MSH4: variants seen among roughly 807,000 people sequenced by gnomAD.
The protein encoded by MSH4 is mutS protein homolog 4.
MSH4 carries 106 observed loss-of-function variants against 113.7 expected under a neutral mutation model. The observed-to-expected ratio is 0.93, with a 90% CI of 0.80 to 1.10. MSH4 has a LOEUF of 1.10. Among genes scored for constraint, MSH4 ranks in the 50% least tolerant of loss-of-function variants. The probability of loss-of-function intolerance (pLI) is 0.00; values close to 1 mark genes in which losing one functional copy is unlikely to be tolerated. For missense variants in MSH4, 1,061 were observed against 1,093.7 expected (o/e 0.97, Z 0.42); for synonymous variants, 368 against 380.2 (o/e 0.97, Z 0.37).
At chr1:75,882,712 G>T (rs1651962705) in intron 14 of MSH4, among the ~76,000 whole-genome samples, 1 of 148,932 alleles carries the variant, frequency 6.7e-6, no homozygotes. Flanking sequence ...GGTGGCAGGT[G>T]CCTGTACTCC....
At chr1:75,816,581 C>A in intron 6 of MSH4, 35 bp downstream of exon 6, 2 of 1,208,076 alleles carry the variant, frequency 1.7e-6, no homozygotes, top group Admixed American at 2.6e-5. Flanking sequence ...TAAAATATAT[C>A]GGTATATATA....
chr1:75,816,868 C>T (rs1056210308), intron 6 of MSH4, among the ~76,000 whole-genome samples: 3 of 152,078 alleles, frequency 2.0e-5, no homozygotes, highest in African/African-American at 7.2e-5. Flanking sequence ...CTCAAATTAT[C>T]CACCTGCCTC....
At chr1:75,899,757 G>A (rs2100589727) in intron 19 of MSH4, 51 bp downstream of exon 19, 7 of 1,012,754 alleles carry the variant, frequency 6.9e-6, no homozygotes, top group Non-Finnish European at 9.7e-6. Context: ...AATACTTTTA[G>A]TGTAGATTTT....
chr1:75,879,195 G>T, intron 12 of MSH4, 67 bp downstream of exon 12: 1 of 1,492,796 alleles, frequency 6.7e-7, no homozygotes, highest in South Asian at 1.2e-5. Context: ...CATATTTTTG[G>T]GACTTCTTGA....
chr1:75,863,224 G>C (rs1651496992), intron 8 of MSH4, among the ~76,000 whole-genome samples: 1 of 151,874 alleles, frequency 6.6e-6, no homozygotes, highest in African/African-American at 2.4e-5. Context: ...AATATAATAA[G>C]AATTACAGCT....
At chr1:75,812,122 A>G (rs1328266846) in intron 4 of MSH4, among the ~76,000 whole-genome samples, 2 of 152,150 alleles carry the variant, frequency 1.3e-5, no homozygotes, top group African/African-American at 4.8e-5. Flanking sequence ...TAAATAAGAG[A>G]AATCTAATGT....
At chr1:75,800,346 T>C (rs930509374) in intron 1 of MSH4, among the ~76,000 whole-genome samples, 1 of 152,188 alleles carries the variant, frequency 6.6e-6, no homozygotes, top group African/African-American at 2.4e-5. Flanking sequence ...CTGGAACCCA[T>C]ATAATGAAGT....
intron 3 of MSH4, 45 bp downstream of exon 3, chr1:75,807,186 A>G (rs1650089232): frequency 7.0e-7 from 1 of 1,426,048 alleles, no homozygotes; most frequent in South Asian, 1.8e-5. Context: ...GTTAGGCAGT[A>G]TCTAGAGTTT....
rs1358407882 is a variant in MSH4, at chr1:75,807,158, C to A, written c.588+17C>A. On this transcript the variant is annotated intron_variant, in intron 3 of 19. Transcript: ENST00000263187. The stretch of plus-strand genomic sequence containing the variant: ...TATGCAAAGGTAAGTATTAATAATT[C>A]TAGAAAATGGTTGCTCTGTTAGGCA... 9 of 1,503,730 alleles carry A rather than the reference C, an allele frequency of 6.0e-6. No homozygotes were observed. The highest frequency in any genetic ancestry group is 1.8e-4 in the Middle Eastern group (1 of 5,670). The allele number at this position is 1,503,730 out of a possible 1,614,324, so 93.1% of individuals were successfully genotyped here.
At chr1:75,896,323 A>G (rs1652379335) in intron 17 of MSH4, among the ~76,000 whole-genome samples, 2 of 147,202 alleles carry the variant, frequency 1.4e-5, no homozygotes, top group South Asian at 4.3e-4. Context: ...AATTCCATAT[A>G]ATAAATCTCT....
chr1:75,829,457 T>C (rs1192860822), intron 7 of MSH4, among the ~76,000 whole-genome samples: 1 of 151,988 alleles, frequency 6.6e-6, no homozygotes, highest in Non-Finnish European at 1.5e-5. Flanking sequence ...CAGCATGGAG[T>C]TTGAGATCTG....
chr1:75,886,660 A>G (rs1369330011), intron 15 of MSH4, among the ~76,000 whole-genome samples: 1 of 133,568 alleles, frequency 7.5e-6, no homozygotes, highest in Non-Finnish European at 1.5e-5. Flanking sequence ...ATATAGAAAT[A>G]TATACATTAT....
chr1:75,860,904 A>C (rs1449389994), intron 8 of MSH4, among the ~76,000 whole-genome samples: 1 of 152,188 alleles, frequency 6.6e-6, no homozygotes, highest in Admixed American at 6.5e-5. Context: ...TACACCAATC[A>C]AATGTAGATT....
At chr1:75,816,684 T>G in intron 6 of MSH4, 138 bp downstream of exon 6, 1 of 413,756 alleles carries the variant, frequency 2.4e-6, no homozygotes, top group Non-Finnish European at 4.1e-6. Flanking sequence ...TGGAGTGCAG[T>G]GGTGCGATCT....
chr1:75,866,221 G>T (rs929668540), intron 8 of MSH4, among the ~76,000 whole-genome samples: 3 of 152,098 alleles, frequency 2.0e-5, no homozygotes, highest in Non-Finnish European at 4.4e-5. Flanking sequence ...ACCCAGGCTG[G>T]TGTGATCACT....
intron 7 of MSH4, among the ~76,000 whole-genome samples, chr1:75,840,182 G>T (rs1650921947): frequency 6.7e-6 from 1 of 148,918 alleles, no homozygotes; most frequent in Admixed American, 6.7e-5. Flanking sequence ...TATACCCAAA[G>T]GACTATAAAT....
intron 19 of MSH4, among the ~76,000 whole-genome samples, chr1:75,904,747 T>C (rs1652584963): frequency 8.7e-6 from 1 of 114,924 alleles, no homozygotes; most frequent in African/African-American, 3.4e-5. Context: ...TGAAGGGAGA[T>C]TTTTTATTAT....
intron 8 of MSH4, among the ~76,000 whole-genome samples, chr1:75,854,635 C>T (rs1570969012): frequency 6.6e-6 from 1 of 152,078 alleles, no homozygotes; most frequent in African/African-American, 2.4e-5. Flanking sequence ...CTCTCTTCTT[C>T]CTATTTGGGC....
At chr1:75,854,009 G>GTATATATATATATATATATA (rs1401266837) in intron 8 of MSH4, among the ~76,000 whole-genome samples, 1 of 50,666 alleles carries the variant, frequency 2.0e-5, no homozygotes, top group Admixed American at 1.6e-4. Flanking sequence ...ATAAGTGTGT[G>GTATATATATATATATATATA]TGTGTATATA....
Sources: allele counts gnomAD v4.1 joint callset (sites outside exome capture counted in the v4.1 genomes callset), GRCh38; gene constraint gnomAD v4.1.1; transcripts MANE v1.5; gene names NCBI Gene and HGNC (gene_info 2026-07-23, HGNC 2026-07-21).